The following MACROD1 variants were observed in gnomAD, a reference collection of about 807,000 sequenced individuals.
The protein encoded by MACROD1 is ADP-ribose glycohydrolase MACROD1.
MACROD1 carries 31 observed loss-of-function variants against 41.4 expected under a neutral mutation model. The observed-to-expected ratio is 0.75, with a 90% CI of 0.56 to 1.01. MACROD1 has a LOEUF of 1.01. Ranked by LOEUF, MACROD1 falls within the 50% of genes least tolerant of loss-of-function variation. MACROD1 has a pLI of 0.00. For missense variants in MACROD1, 473 were observed against 460.0 expected (o/e 1.03, Z -0.26); for synonymous variants, 252 against 203.4 (o/e 1.24, Z -2.03).
rs1943189868 is a variant in MACROD1, at chr11:64,023,763, G to C, written c.518-8482C>G. Reference sequence around the variant, plus strand: ...CTCCTTCACTCCCACACACCTCCAGGTGCCCCCTGCCTGTTTGCCCACGTC... The same window carrying C: ...CTCCTTCACTCCCACACACCTCCAGCTGCCCCCTGCCTGTTTGCCCACGTC... On this transcript the variant is annotated intron_variant, in intron 3 of 10. Transcript: ENST00000255681. Among the ~76,000 whole-genome samples the C allele has an allele frequency of 2.0e-5, 3 of 152,046 alleles. No individual in the cohort carries two copies. In the South Asian group the frequency reaches 6.2e-4, roughly 32 times the overall value.
chr11:64,026,074 GGGAGGCTAAGGCA>G (rs564236593), intron 3 of MACROD1, among the ~76,000 whole-genome samples: 143 of 152,208 alleles, frequency 9.4e-4, no homozygotes, highest in African/African-American at 3.3e-3. Flanking sequence ...CCAGCTACTC[GGGAGGCTAAGGCA>G]GGAGAATTGC....
intron 3 of MACROD1, among the ~76,000 whole-genome samples, chr11:64,056,586 G>T (rs1943790583): frequency 6.6e-6 from 1 of 152,202 alleles, no homozygotes; most frequent in African/African-American, 2.4e-5. Context: ...CTGCGGCCAG[G>T]GTGGCCAGCC....
At chr11:64,052,056 A>G (rs1943705803) in intron 3 of MACROD1, among the ~76,000 whole-genome samples, 1 of 151,386 alleles carries the variant, frequency 6.6e-6, no homozygotes. Flanking sequence ...GCATTTTGGG[A>G]AGGAGGAAGG....
intron 3 of MACROD1, among the ~76,000 whole-genome samples, chr11:64,098,209 C>T (rs759779288): frequency 6.6e-6 from 1 of 152,208 alleles, no homozygotes; most frequent in African/African-American, 2.4e-5. Flanking sequence ...CAGCCTCCCC[C>T]CTGCCCTTGT....
In MACROD1 at chr11:64,156,320, C is replaced by T. The variant is rs545934015; in HGVS notation, c.299-3927G>A. 2.0e-5 allele frequency among the ~76,000 whole-genome samples: 3 copies of T among 152,326 alleles called. No homozygotes were observed. In the East Asian group the frequency reaches 5.8e-4, roughly 29 times the overall value. ...GAATCCCCATATTTGTCACCTTGCA[C>T]AACTGTGACCTCCCCACTGCGAGGC... On this transcript the variant is annotated intron_variant, in intron 1 of 10. Coordinates refer to ENST00000255681, the MANE Select transcript of MACROD1 (RefSeq NM_014067.4).
intron 3 of MACROD1, among the ~76,000 whole-genome samples, chr11:64,027,304 C>G (rs320129): frequency 1.3e-5 from 2 of 152,170 alleles, no homozygotes; most frequent in Non-Finnish European, 2.9e-5. Context: ...CAGGGTTGGT[C>G]TTGCCCTTTA....
chr11:63,999,063 C>A, intron 8 of MACROD1, 27 bp from the exon 9 acceptor site: 2 of 1,578,250 alleles, frequency 1.3e-6, no homozygotes, highest in Non-Finnish European at 1.7e-6. Context: ...TCAGCCTGGG[C>A]CGAGCTGCCA....
At chr11:64,162,243 C>CT (rs1175286999) in intron 1 of MACROD1, among the ~76,000 whole-genome samples, 1 of 152,146 alleles carries the variant, frequency 6.6e-6, no homozygotes, top group Non-Finnish European at 1.5e-5. Context: ...ACTTGGGAGA[C>CT]TGAGGTGGGA....
intron 3 of MACROD1, among the ~76,000 whole-genome samples, chr11:64,042,691 C>G (rs1454918033): frequency 6.6e-6 from 1 of 152,198 alleles, no homozygotes; most frequent in Non-Finnish European, 1.5e-5. Flanking sequence ...CAACACTCCC[C>G]TGATCCCCCA....
At chr11:64,027,727 C>G (rs1263796458) in intron 3 of MACROD1, among the ~76,000 whole-genome samples, 3 of 152,226 alleles carry the variant, frequency 2.0e-5, no homozygotes, top group South Asian at 2.1e-4. Flanking sequence ...CTTCCCCAGA[C>G]GCTGCCTGTA....
intron 3 of MACROD1, among the ~76,000 whole-genome samples, chr11:64,065,888 A>G (rs573947850): frequency 6.6e-6 from 1 of 152,152 alleles, no homozygotes; most frequent in Admixed American, 6.5e-5. Context: ...ACCCCAGTGC[A>G]GAGTGGTTGG....
chr11:64,135,458 C>T (rs1945319602), intron 3 of MACROD1, among the ~76,000 whole-genome samples: 1 of 152,268 alleles, frequency 6.6e-6, no homozygotes, highest in East Asian at 1.9e-4. Context: ...GCAGGAGACA[C>T]CTGAGCCCTT....
At chr11:64,114,482 T>G (rs1267624771) in intron 3 of MACROD1, among the ~76,000 whole-genome samples, 1 of 147,986 alleles carries the variant, frequency 6.8e-6, no homozygotes. Context: ...GATGGAGGGA[T>G]GGTTGAATGG....
intron 1 of MACROD1, among the ~76,000 whole-genome samples, chr11:64,164,838 A>C (rs1287300280): frequency 6.6e-6 from 1 of 152,172 alleles, no homozygotes; most frequent in Non-Finnish European, 1.5e-5. Flanking sequence ...CCCAGGAGGC[A>C]GGCCCTGAAA....
chr11:64,020,497 C>T (rs565158883), intron 3 of MACROD1, among the ~76,000 whole-genome samples: 89 of 152,236 alleles, frequency 5.8e-4, no homozygotes, highest in Non-Finnish European at 9.0e-4. Flanking sequence ...CCCCCAGGCC[C>T]CATCGACCAT....
At chr11:64,028,449 G>A (rs1943249950) in intron 3 of MACROD1, among the ~76,000 whole-genome samples, 1 of 152,242 alleles carries the variant, frequency 6.6e-6, no homozygotes, top group Non-Finnish European at 1.5e-5. Flanking sequence ...AGGGAGGAGG[G>A]AAAACGGTGG....
chr11:64,020,498 C>T (rs1047221043), intron 3 of MACROD1, among the ~76,000 whole-genome samples: 7 of 152,104 alleles, frequency 4.6e-5, no homozygotes, highest in African/African-American at 1.4e-4. Context: ...CCCCAGGCCC[C>T]ATCGACCATC....
intron 3 of MACROD1, among the ~76,000 whole-genome samples, chr11:64,054,729 C>A (rs1565211521): frequency 6.6e-6 from 1 of 152,094 alleles, no homozygotes; most frequent in African/African-American, 2.4e-5. Flanking sequence ...AACAAACTTC[C>A]TTGTTTCCTG....
chr11:64,100,979 G>A (rs1432770231), intron 3 of MACROD1, among the ~76,000 whole-genome samples: 1 of 152,158 alleles, frequency 6.6e-6, no homozygotes, highest in Non-Finnish European at 1.5e-5. Context: ...TTTGGTGGGT[G>A]CATTTATTAA....
Sources: gnomAD v4.1 joint callset for allele counts (sites outside exome capture counted in the v4.1 genomes callset) on GRCh38, gnomAD v4.1.1 for gene constraint, MANE v1.5 for transcripts, NCBI Gene and HGNC (gene_info 2026-07-23, HGNC 2026-07-21) for gene names.